Variants in DLGAP1 observed in about 807,000 individuals in gnomAD.
The protein encoded by DLGAP1 is disks large-associated protein 1.
Under a neutral mutation model 90.8 loss-of-function variants are expected in DLGAP1, and 11 were observed. That is an observed-to-expected ratio of 0.12 (90% CI 0.08 to 0.20). The LOEUF (loss-of-function observed/expected upper bound fraction) is 0.20, where lower values mean the gene tolerates loss of function less well. Ranked by LOEUF, DLGAP1 falls within the 10% of genes least tolerant of loss-of-function variation. The pLI is 1.00. For synonymous variants in DLGAP1, 558 were observed against 540.7 expected (o/e 1.03, Z -0.44); for missense variants, 1,050 against 1,333.8 (o/e 0.79, Z 3.31).
At chr18:4,016,495 A>G (rs928911664) in intron 2 of DLGAP1, among the ~76,000 whole-genome samples, 1 of 152,238 alleles carries the variant, frequency 6.6e-6, no homozygotes, top group African/African-American at 2.4e-5. Flanking sequence ...AATCTGAGCC[A>G]CAACAGATTA....
intron 2 of DLGAP1, among the ~76,000 whole-genome samples, chr18:4,082,214 T>G (rs2075618352): frequency 6.6e-6 from 1 of 151,652 alleles, no homozygotes; most frequent in Non-Finnish European, 1.5e-5. Flanking sequence ...TGGCAGTGTA[T>G]GCCTGTAATC....
At chr18:3,623,584 G>C (rs1415838035) in intron 7 of DLGAP1, among the ~76,000 whole-genome samples, 1 of 151,860 alleles carries the variant, frequency 6.6e-6, no homozygotes, top group Admixed American at 6.6e-5. Flanking sequence ...GGTCAGGAGT[G>C]CGAGACCAGC....
intron 1 of DLGAP1, among the ~76,000 whole-genome samples, chr18:4,417,238 C>A: frequency 6.6e-6 from 1 of 152,054 alleles, no homozygotes; most frequent in East Asian, 1.9e-4. Flanking sequence ...AGGCAGTAAA[C>A]AGATTTGGAA....
At chr18:4,078,716 T>C (rs946422567) in intron 2 of DLGAP1, among the ~76,000 whole-genome samples, 19 of 152,310 alleles carry the variant, frequency 1.2e-4, no homozygotes, top group African/African-American at 4.1e-4. Flanking sequence ...AAACCTGGTA[T>C]TCAATCATGT....
At chr18:3,941,700 CATT>C (rs2072772875) in intron 3 of DLGAP1, among the ~76,000 whole-genome samples, 1 of 152,046 alleles carries the variant, frequency 6.6e-6, no homozygotes, top group African/African-American at 2.4e-5. Context: ...AGGTACATAA[CATT>C]ATATTGTAAT....
At chr18:3,645,028 T>C (rs2059069840) in intron 7 of DLGAP1, among the ~76,000 whole-genome samples, 1 of 152,214 alleles carries the variant, frequency 6.6e-6, no homozygotes, top group Admixed American at 6.5e-5. Context: ...AAATTGGTCA[T>C]GGTAGGTTAC....
chr18:3,745,371 T>C (rs185495237), intron 5 of DLGAP1, among the ~76,000 whole-genome samples: 1 of 152,204 alleles, frequency 6.6e-6, no homozygotes, highest in Non-Finnish European at 1.5e-5. Flanking sequence ...CACAAAACCG[T>C]TGTAAAAAAT....
At chr18:4,286,714 G>A (rs1219479163) in intron 1 of DLGAP1, among the ~76,000 whole-genome samples, 1 of 152,140 alleles carries the variant, frequency 6.6e-6, no homozygotes, top group Non-Finnish European at 1.5e-5. Context: ...AGGAACAAGA[G>A]AGGCAGAAAC....
intron 8 of DLGAP1, chr18:3,580,278 C>CCAG (rs2055413477): frequency 1.9e-6 from 3 of 1,610,910 alleles, no homozygotes; most frequent in Non-Finnish European, 2.5e-6. Flanking sequence ...GCTCCAGGCA[C>CCAG]CAGCAATGGC....
intron 3 of DLGAP1, among the ~76,000 whole-genome samples, chr18:3,999,995 T>C (rs970769495): frequency 6.6e-6 from 1 of 152,124 alleles, no homozygotes; most frequent in African/African-American, 2.4e-5. Flanking sequence ...AATGTTTTTG[T>C]AGGGAATAGG....
intron 7 of DLGAP1, among the ~76,000 whole-genome samples, chr18:3,670,150 T>A (rs1253017575): frequency 6.6e-6 from 1 of 152,164 alleles, no homozygotes; most frequent in African/African-American, 2.4e-5. Context: ...AGTAAGACGA[T>A]CGAAGTGAGA....
rs563159901 is a variant in DLGAP1 at position 3,740,695 on chromosome 18, T to C, written c.1350+1640A>G. On this transcript the variant is annotated intron_variant, in intron 6 of 12. Transcript: ENST00000315677. ...TTTCATCTATACCAGCACCACACCA[T>C]AGCATCACTATCACCACTGTCACTG... is the stretch of plus-strand genomic sequence containing the variant. Among the ~76,000 whole-genome samples the C allele has an allele frequency of 9.2e-5, 14 of 152,040 alleles. No homozygotes were observed. The South Asian group carries it at 2.3e-3, about 25-fold the overall frequency.
intron 1 of DLGAP1, among the ~76,000 whole-genome samples, chr18:4,332,500 A>T (rs1438299722): frequency 1.3e-5 from 2 of 151,962 alleles, no homozygotes; most frequent in East Asian, 1.9e-4. Flanking sequence ...TAATGATAGT[A>T]AAGATTAGCA....
Position 3,791,515 on chromosome 18 carries a change from C to CGT in DLGAP1, c.1172+22542_1172+22543dup, listed in dbSNP as rs10585847. Among the ~76,000 whole-genome samples, 155 of 150,366 alleles carry CGT rather than the reference C, an allele frequency of 1.0e-3. 1 individual carries two copies. The highest frequency in any genetic ancestry group is 2.1e-3 in the South Asian group (10 of 4,756). On this transcript the variant is annotated intron_variant, in intron 5 of 12. Coordinates refer to ENST00000315677, the MANE Select transcript of DLGAP1 (RefSeq NM_004746.4). ...TGAAGGAAGGTGATGTGCACATGTG[C>CGT]GTGTGTGTGTGTGTGTGCACGCATG...
chr18:3,882,731 T>G (rs1484531633), intron 3 of DLGAP1, among the ~76,000 whole-genome samples: 1 of 152,102 alleles, frequency 6.6e-6, no homozygotes, highest in Non-Finnish European at 1.5e-5. Flanking sequence ...GAGGCTGCTA[T>G]TCCATCAGGG....
intron 1 of DLGAP1, among the ~76,000 whole-genome samples, chr18:4,408,265 G>A (rs890311611): frequency 1.3e-5 from 2 of 152,090 alleles, no homozygotes; most frequent in African/African-American, 2.4e-5. Flanking sequence ...GTGCGTATTC[G>A]TGTGGGTGTG....
intron 2 of DLGAP1, among the ~76,000 whole-genome samples, chr18:4,023,441 T>A (rs1326115756): frequency 6.6e-6 from 1 of 152,214 alleles, no homozygotes; most frequent in African/African-American, 2.4e-5. Context: ...TGCCATGTAA[T>A]CACAGCTGTG....
chr18:4,411,111 C>G (rs2082767789), intron 1 of DLGAP1, among the ~76,000 whole-genome samples: 1 of 152,200 alleles, frequency 6.6e-6, no homozygotes, highest in African/African-American at 2.4e-5. Flanking sequence ...CTCTGACCAA[C>G]CTACTTCTCT....
intron 2 of DLGAP1, among the ~76,000 whole-genome samples, chr18:4,009,094 G>A (rs1176321766): frequency 6.6e-6 from 1 of 152,098 alleles, no homozygotes; most frequent in African/African-American, 2.4e-5. Context: ...TTAGTAGAAC[G>A]GGGTTTCACC....
Sources: gnomAD v4.1 joint callset for allele counts (sites outside exome capture counted in the v4.1 genomes callset) on GRCh38, gnomAD v4.1.1 for gene constraint, MANE v1.5 for transcripts, NCBI Gene and HGNC (gene_info 2026-07-23, HGNC 2026-07-21) for gene names.